PDE6D: variants seen among roughly 807,000 people sequenced by gnomAD.
The protein encoded by PDE6D is phosphodiesterase 6D.
A neutral mutation model predicts 21.9 loss-of-function variants in PDE6D; 10 were observed. That is an observed-to-expected ratio of 0.46 (90% CI 0.28 to 0.78). The LOEUF (loss-of-function observed/expected upper bound fraction) is 0.78, where lower values mean the gene tolerates loss of function less well. Ranked by LOEUF, PDE6D falls within the 30% of genes least tolerant of loss-of-function variation. The pLI, the probability that PDE6D is intolerant of heterozygous loss-of-function variation, is 0.12. For missense variants in PDE6D, 139 were observed against 184.8 expected (o/e 0.75, Z 1.44); for synonymous variants, 59 against 63.5 (o/e 0.93, Z 0.34).
Position 231,777,964 on chromosome 2 carries a change from T to C in PDE6D, c.50+3101A>G, listed in dbSNP as rs563804647. On this transcript the variant is annotated intron_variant, in intron 1 of 4. Transcript: ENST00000287600. ...CAAGATACAAAATGCAAAAGCCAGA[T>C]GGCAAATATTAATAAATTTGAGGCC... Among the ~76,000 whole-genome samples, 4 of 152,334 alleles carry C rather than the reference T, an allele frequency of 2.6e-5. No individual in the cohort carries two copies. The East Asian group carries it at 7.7e-4, about 29-fold the overall frequency.
At chr2:231,736,325 T>C (rs1394564757) in intron 4 of PDE6D, among the ~76,000 whole-genome samples, 4 of 152,106 alleles carry the variant, frequency 2.6e-5, no homozygotes, top group Non-Finnish European at 5.9e-5. Flanking sequence ...CTAACTCTTT[T>C]TTTTTTGAAA....
At position 231,781,137 on chromosome 2, in the gene PDE6D, G is replaced by T; in HGVS notation, c.-23C>A. 6.2e-7 allele frequency: 1 copy of T among 1,611,704 alleles called. No individual in the cohort carries two copies. Among genetic ancestry groups the T allele is most frequent in the Non-Finnish European group, 8.5e-7 (1 of 1,179,206 alleles). ...CATGATGCGGCGGTCGCCGCCCGCG[G>T]CTTTCTCACTCTGGTCGGCGGAGCC... is the stretch of plus-strand genomic sequence containing the variant. On this transcript the variant is annotated 5_prime_UTR_variant, in exon 1 of 5. Coordinates refer to ENST00000287600, the MANE Select transcript of PDE6D (RefSeq NM_002601.4).
intron 1 of PDE6D, 66 bp downstream of exon 1, chr2:231,780,999 C>T: frequency 7.1e-7 from 1 of 1,412,280 alleles, no homozygotes; most frequent in South Asian, 1.2e-5. Context: ...CCGCCCCCGG[C>T]CAGTCTCCTC....
At chr2:231,775,512 G>C (rs1359121897) in intron 1 of PDE6D, among the ~76,000 whole-genome samples, 1 of 145,278 alleles carries the variant, frequency 6.9e-6, no homozygotes, top group African/African-American at 2.5e-5. Context: ...TTGTAGAGGC[G>C]GGGTCTTGCC....
intron 1 of PDE6D, among the ~76,000 whole-genome samples, chr2:231,743,597 C>T (rs894731879): frequency 3.9e-5 from 6 of 152,018 alleles, no homozygotes; most frequent in Non-Finnish European, 7.4e-5. Context: ...TGTCATTCTC[C>T]CCTCAGGGTG....
At chr2:231,748,834 A>G (rs548182123) in intron 1 of PDE6D, among the ~76,000 whole-genome samples, 76 of 152,340 alleles carry the variant, frequency 5.0e-4, no homozygotes, top group Admixed American at 9.8e-4. Context: ...GGAGGACCCA[A>G]GCCTTAGCAG....
chr2:231,733,115 T>C (rs1356724097), intron 4 of PDE6D, 82 bp from the exon 5 acceptor site: 1 of 977,580 alleles, frequency 1.0e-6, no homozygotes, highest in Admixed American at 1.8e-5. Flanking sequence ...GTGGTTTCCA[T>C]CTGGATTCCT....
rs193094886 is a variant in PDE6D, at chr2:231,757,298, C to T, written c.51-18110G>A. ...AACACTAAAAGTTTCAAGTATTAAA[C>T]GATTTATTTTTTTTCTTTAGATGAG... On this transcript the variant is annotated intron_variant, in intron 1 of 4. Coordinates refer to ENST00000287600, the MANE Select transcript of PDE6D (RefSeq NM_002601.4). Among the ~76,000 whole-genome samples the T allele has an allele frequency of 1.7e-4, 25 of 151,288 alleles. No individual in the cohort carries two copies. The East Asian group carries it at 4.7e-3, about 29-fold the overall frequency.
intron 1 of PDE6D, among the ~76,000 whole-genome samples, chr2:231,759,418 CA>C (rs1293382611): frequency 6.6e-6 from 1 of 151,890 alleles, no homozygotes; most frequent in African/African-American, 2.4e-5. Context: ...ACACATTTTT[CA>C]GGGGGAAAAA....
Position 231,739,033 on chromosome 2 carries a change from T to C in PDE6D, c.139+67A>G. The stretch of plus-strand genomic sequence containing the variant: ...CCTATTAGGTATGTGTTAACTTAGC[T>C]CTCTTATGCTCAGGTGCTAGTCTGG... On this transcript the variant is annotated intron_variant, in intron 2 of 4. Coordinates refer to ENST00000287600, the MANE Select transcript of PDE6D (RefSeq NM_002601.4). This position sits in a 1 kb window ranked among gnomAD's most constrained non-coding sequence, Gnocchi z 4.2. The C allele has an allele frequency of 1.0e-6, 1 of 962,730 alleles. No individual in the cohort carries two copies. Among genetic ancestry groups the C allele is most frequent in the Non-Finnish European group, 1.7e-6 (1 of 597,668 alleles). The allele number at this position is 962,730 out of a possible 1,614,324, so 59.6% of individuals were successfully genotyped here. A position where few individuals can be genotyped will look rare whatever the true frequency, so the allele number is the denominator to read the frequency against.
chr2:231,775,850 T>G (rs1309082248), intron 1 of PDE6D, among the ~76,000 whole-genome samples: 3 of 152,156 alleles, frequency 2.0e-5, no homozygotes, highest in African/African-American at 7.2e-5. Context: ...AAAGCTACAT[T>G]ACTACTCTGT....
At chr2:231,750,775 T>G (rs1226445889) in intron 1 of PDE6D, among the ~76,000 whole-genome samples, 1 of 150,970 alleles carries the variant, frequency 6.6e-6, no homozygotes, top group Admixed American at 6.6e-5. Context: ...TCCAAAGTGC[T>G]GGAATTACAG....
At chr2:231,759,253 C>T (rs2048907166) in intron 1 of PDE6D, among the ~76,000 whole-genome samples, 1 of 152,046 alleles carries the variant, frequency 6.6e-6, no homozygotes, top group Non-Finnish European at 1.5e-5. Context: ...GATGTCAAGG[C>T]TGCAGTGAGC....
At chr2:231,776,145 A>AC (rs1366636638) in intron 1 of PDE6D, among the ~76,000 whole-genome samples, 1 of 151,902 alleles carries the variant, frequency 6.6e-6, no homozygotes, top group African/African-American at 2.4e-5. Flanking sequence ...ACATGGCGAA[A>AC]CCCCCTCTCT....
intron 1 of PDE6D, among the ~76,000 whole-genome samples, chr2:231,775,834 TA>T (rs560927257): frequency 1.3e-5 from 2 of 151,888 alleles, no homozygotes; most frequent in African/African-American, 2.4e-5. Context: ...AAGCCAATAT[TA>T]AAAAAAAGCT....
At chr2:231,774,878 A>G (rs1173451287) in intron 1 of PDE6D, among the ~76,000 whole-genome samples, 3 of 150,478 alleles carry the variant, frequency 2.0e-5, no homozygotes, top group Non-Finnish European at 3.0e-5. Context: ...GGCATGAGCC[A>G]CTGTGCCTGG....
chr2:231,734,437 G>T (rs1251506976), intron 4 of PDE6D, among the ~76,000 whole-genome samples: 1 of 145,014 alleles, frequency 6.9e-6, no homozygotes, highest in Admixed American at 7.0e-5. Flanking sequence ...GAAGTCAAAT[G>T]AAGTTTAATA....
At chr2:231,751,386 AT>A (rs888968417) in intron 1 of PDE6D, among the ~76,000 whole-genome samples, 7 of 152,178 alleles carry the variant, frequency 4.6e-5, no homozygotes, top group African/African-American at 1.7e-4. Flanking sequence ...GTCTCAAGTG[AT>A]CCTCCCACCT....
chr2:231,753,368 C>G (rs2048857711), intron 1 of PDE6D, among the ~76,000 whole-genome samples: 1 of 149,722 alleles, frequency 6.7e-6, no homozygotes, highest in Non-Finnish European at 1.5e-5. Flanking sequence ...CTAAAAAATA[C>G]AAAAAAAACC....
Sources: gnomAD v4.1 joint callset for allele counts (sites outside exome capture counted in the v4.1 genomes callset) on GRCh38, gnomAD v4.1.1 for gene constraint, Gnocchi (gnomAD v3.1) non-coding constraint, MANE v1.5 for transcripts, NCBI Gene and HGNC (gene_info 2026-07-23, HGNC 2026-07-21) for gene names.